Variants in SLC25A13 observed in about 807,000 individuals in gnomAD.
The protein encoded by SLC25A13 is electrogenic aspartate/glutamate antiporter SLC25A13, mitochondrial.
SLC25A13 carries 70 observed loss-of-function variants against 85.5 expected under a neutral mutation model. The ratio of observed to expected loss-of-function variants is 0.82; its 90% CI spans 0.68 to 1.00. SLC25A13 has a LOEUF of 1.00. Ranked by LOEUF, SLC25A13 falls within the 50% of genes least tolerant of loss-of-function variation. The pLI is 0.00. For missense variants in SLC25A13, 765 were observed against 819.8 expected, an observed-to-expected ratio of 0.93 and a Z score of 0.82; for synonymous variants, 259 against 288.7, an observed-to-expected ratio of 0.90 and a Z score of 1.04.
At chr7:96,159,272 TGAATTGCGTCTCTCCA>T (rs1473354986) in intron 13 of SLC25A13, among the ~76,000 whole-genome samples, 1 of 152,202 alleles carries the variant, frequency 6.6e-6, no homozygotes, top group African/African-American at 2.4e-5. Context: ...GCATTAGGGC[TGAATTGCGTCTCTCCA>T]AAATTTGTAT....
chr7:96,232,629 G>A (rs1584489461), intron 4 of SLC25A13, among the ~76,000 whole-genome samples: 1 of 137,230 alleles, frequency 7.3e-6, no homozygotes. Context: ...TTAAAAAAAA[G>A]GGCTTCCCAA....
chr7:96,316,018 G>C (rs182711238), intron 1 of SLC25A13, among the ~76,000 whole-genome samples: 55 of 152,124 alleles, frequency 3.6e-4, no homozygotes, highest in African/African-American at 1.3e-3. Context: ...TAGCTATTCA[G>C]GAGGCTGCGG....
chr7:96,234,425 ATAAGTAACTTCTGTGTGT>A (rs1165690420), intron 4 of SLC25A13, among the ~76,000 whole-genome samples: 1 of 152,120 alleles, frequency 6.6e-6, no homozygotes, highest in African/African-American at 2.4e-5. Context: ...TATAGGGTGC[ATAAGTAACTTCTGTGTGT>A]AGGCAGATTA....
chr7:96,180,012 A>C (rs1180256553), intron 11 of SLC25A13, among the ~76,000 whole-genome samples: 1 of 152,224 alleles, frequency 6.6e-6, no homozygotes, highest in Non-Finnish European at 1.5e-5. Flanking sequence ...CTGCAATATA[A>C]AAGTATCAAT....
chr7:96,200,173 G>A (rs2116687078), intron 5 of SLC25A13, among the ~76,000 whole-genome samples: 1 of 152,168 alleles, frequency 6.6e-6, no homozygotes, highest in African/African-American at 2.4e-5. Context: ...ATTAATAAAA[G>A]CAAAGAGTTA....
intron 13 of SLC25A13, among the ~76,000 whole-genome samples, chr7:96,164,112 G>A (rs1450663420): frequency 6.6e-6 from 1 of 152,112 alleles, no homozygotes; most frequent in Non-Finnish European, 1.5e-5. Context: ...CACTGAATCC[G>A]GCTGGCCTAT....
At chr7:96,190,514 AG>A (rs1236227313) in intron 7 of SLC25A13, among the ~76,000 whole-genome samples, 1 of 152,162 alleles carries the variant, frequency 6.6e-6, no homozygotes, top group African/African-American at 2.4e-5. Context: ...GCTTCCTTAG[AG>A]GTTGCCAATT....
chr7:96,287,154 C>T (rs1323189616), intron 2 of SLC25A13, among the ~76,000 whole-genome samples: 2 of 152,322 alleles, frequency 1.3e-5, no homozygotes, highest in Non-Finnish European at 2.9e-5. Context: ...CCCGTTCTTC[C>T]CCTCACCACA....
intron 13 of SLC25A13, chr7:96,167,107 A>G (rs1200213539): frequency 6.6e-6 from 1 of 152,202 alleles, no homozygotes; most frequent in African/African-American, 2.4e-5. Flanking sequence ...ATATATCACT[A>G]CTGTTAAAGT....
In SLC25A13 at chr7:96,132,023, A is replaced by G; in HGVS notation, c.1453-142T>C. 2.9e-6 allele frequency: 3 copies of G among 1,046,208 alleles called. No individual in the cohort carries two copies. In the Admixed American group the frequency reaches 6.5e-5, roughly 23 times the overall value. 64.8% of individuals were successfully genotyped at this position (1,046,208 alleles called of 1,614,324 possible). On this transcript the variant is annotated intron_variant, in intron 14 of 17. Transcript: ENST00000265631. ...CACACATTGAAAGGGGAACAGAAAA[A>G]AATAACCCAAATTCTGCAAGTAATA...
At chr7:96,284,884 T>C (rs1798827486) in intron 2 of SLC25A13, among the ~76,000 whole-genome samples, 1 of 152,230 alleles carries the variant, frequency 6.6e-6, no homozygotes, top group Non-Finnish European at 1.5e-5. Context: ...AGGTATGCCT[T>C]TATTAGCAGC....
intron 3 of SLC25A13, among the ~76,000 whole-genome samples, chr7:96,260,312 A>G (rs1356173201): frequency 6.6e-6 from 1 of 152,130 alleles, no homozygotes; most frequent in Admixed American, 6.6e-5. Context: ...GCTACCAAAA[A>G]TCAATGGATC....
chr7:96,192,180 A>G (rs1794880586), intron 6 of SLC25A13, among the ~76,000 whole-genome samples: 1 of 152,048 alleles, frequency 6.6e-6, no homozygotes, highest in South Asian at 2.1e-4. Context: ...GACTTGGGGG[A>G]AGAAAGGAAA....
At chr7:96,171,024 A>C (rs1415802007) in intron 12 of SLC25A13, among the ~76,000 whole-genome samples, 2 of 152,216 alleles carry the variant, frequency 1.3e-5, no homozygotes, top group Admixed American at 6.5e-5. Context: ...TAATAGAAAG[A>C]CATGCTCTGG....
rs553000486 is a variant in SLC25A13, at chr7:96,250,456, A to G, written c.213-15539T>C. On this transcript the variant is annotated intron_variant, in intron 3 of 17. Transcript: ENST00000265631. ...CAGAAGGCAGTTAACTTACCAGACCATAAGACATAAATGAGCGAGGACATG... is the reference window on the plus strand; with the variant it reads ...CAGAAGGCAGTTAACTTACCAGACCGTAAGACATAAATGAGCGAGGACATG... 1.5e-4 allele frequency among the ~76,000 whole-genome samples: 23 copies of G among 152,244 alleles called. 1 individual carries two copies. Among genetic ancestry groups the G allele is most frequent in the African/African-American group, 2.4e-5 (1 of 41,460 alleles).
At chr7:96,136,237 T>C (rs996384691) in intron 14 of SLC25A13, among the ~76,000 whole-genome samples, 8 of 152,112 alleles carry the variant, frequency 5.3e-5, no homozygotes, top group African/African-American at 1.9e-4. Context: ...TCACTTAACT[T>C]CAAATTAATA....
intron 2 of SLC25A13, chr7:96,283,774 C>T: frequency 6.4e-6 from 1 of 156,724 alleles, no homozygotes; most frequent in Non-Finnish European, 1.2e-5. Flanking sequence ...AAGGAGCTTG[C>T]ATTGCTGGAA....
chr7:96,240,431 A>C (rs936973668), intron 3 of SLC25A13, among the ~76,000 whole-genome samples: 1 of 152,168 alleles, frequency 6.6e-6, no homozygotes, highest in Non-Finnish European at 1.5e-5. Context: ...CCTATTCTAC[A>C]TGTTTGGCAG....
intron 10 of SLC25A13, chr7:96,184,642 A>G (rs1356177295): frequency 3.1e-6 from 2 of 645,204 alleles, no homozygotes; most frequent in Non-Finnish European, 5.3e-6. Flanking sequence ...GATGTCATAG[A>G]TATTTTAAAT....
Sources: allele counts gnomAD v4.1 joint callset (sites outside exome capture counted in the v4.1 genomes callset), GRCh38; gene constraint gnomAD v4.1.1; transcripts MANE v1.5; gene names NCBI Gene and HGNC (gene_info 2026-07-23, HGNC 2026-07-21).